ATP2B1: variants seen among roughly 807,000 people sequenced by gnomAD.
ATP2B1 encodes the protein plasma membrane calcium-transporting ATPase 1.
A neutral mutation model predicts 124.2 loss-of-function variants in ATP2B1; 14 were observed. The observed-to-expected ratio is 0.11, with a 90% confidence interval of 0.07 to 0.18. ATP2B1 has a LOEUF of 0.18. Ranked by LOEUF, ATP2B1 falls within the 10% of genes least tolerant of loss-of-function variation. The probability of loss-of-function intolerance (pLI) is 1.00; values close to 1 mark genes in which losing one functional copy is unlikely to be tolerated. For synonymous variants in ATP2B1, 449 were observed against 492.4 expected (o/e 0.91, Z 1.17); for missense variants, 763 against 1,466.1 (o/e 0.52, Z 7.83).
intron 1 of ATP2B1, among the ~76,000 whole-genome samples, chr12:89,696,217 T>C (rs1033396430): frequency 2.6e-5 from 4 of 152,110 alleles, no homozygotes; most frequent in South Asian, 2.1e-4. Flanking sequence ...GGACATACTA[T>C]AGACACAGCA....
chr12:89,668,009 CAAG>C (rs1433120916), intron 1 of ATP2B1, among the ~76,000 whole-genome samples: 2 of 152,144 alleles, frequency 1.3e-5, no homozygotes, highest in Non-Finnish European at 2.9e-5. Flanking sequence ...TACGTGACTT[CAAG>C]AAGAGCTTCA....
At chr12:89,698,423 A>G (rs906686395) in intron 1 of ATP2B1, among the ~76,000 whole-genome samples, 7 of 152,184 alleles carry the variant, frequency 4.6e-5, no homozygotes, top group African/African-American at 1.7e-4. Context: ...AATTCCAGAA[A>G]AGTCAAATTA....
chr12:89,647,425 G>A (rs57859539), intron 2 of ATP2B1, among the ~76,000 whole-genome samples: 2,054 of 152,208 alleles, frequency 0.013, 42 homozygotes, highest in African/African-American at 0.046. Flanking sequence ...GAAATAAAAT[G>A]TCACTTATAT....
rs1304344110 is a variant in ATP2B1, at chr12:89,648,258, G to C, written c.209-5903C>G. On this transcript the variant is annotated intron_variant, in intron 2 of 20. Coordinates refer to ENST00000428670, the MANE Select transcript of ATP2B1 (RefSeq NM_001366521.1). ...AAAGTCTGGAAACTTCTTAAAGACT[G>C]GTTAAACGGTTCTGACCAAAATGCT... Among the ~76,000 whole-genome samples, 4 of 152,152 alleles carry C rather than the reference G, an allele frequency of 2.6e-5. No individual in the cohort carries two copies. The East Asian group carries it at 7.7e-4, about 29-fold the overall frequency.
upstream of ATP2B1, chr12:89,709,310 CGCCGCCGAAGCTCGCGCCGCCGCCGCT>C (rs1350958088): frequency 6.6e-6 from 1 of 152,426 alleles, no homozygotes; most frequent in Non-Finnish European, 1.5e-5. Flanking sequence ...CAGCCGCCAC[CGCCGCCGAAGCTCGCGCCGCCGCCGCT>C]GCCGCCTTGG....
In ATP2B1 at chr12:89,604,357, A is replaced by C. The variant is rs910633506; in HGVS notation, c.2443-11T>G. 3.3e-5 allele frequency: 52 copies of C among 1,575,130 alleles called. No individual in the cohort carries two copies. Among genetic ancestry groups the C allele is most frequent in the Non-Finnish European group, 4.0e-5 (47 of 1,165,054 alleles). ...AGTTCCAGCAATACCCTGTTAAAAA[A>C]AATTTTGTGAATTAGACTAAATGTT... On this transcript the variant is annotated splice_polypyrimidine_tract_variant and intron_variant, in intron 15 of 20. Transcript: ENST00000428670.
intron 11 of ATP2B1, among the ~76,000 whole-genome samples, chr12:89,618,845 T>C (rs1290765309): frequency 1.3e-5 from 2 of 152,234 alleles, no homozygotes; most frequent in Non-Finnish European, 2.9e-5. Flanking sequence ...CTTAAACTAA[T>C]TGTAAAGTGT....
At chr12:89,602,814 T>C (rs1457688758) in intron 18 of ATP2B1, among the ~76,000 whole-genome samples, 1 of 152,112 alleles carries the variant, frequency 6.6e-6, no homozygotes, top group Non-Finnish European at 1.5e-5. Flanking sequence ...CACTTTACAG[T>C]TGGAAGAAAT....
At position 89,590,445 on chromosome 12, in the gene ATP2B1, G is replaced by T. The variant is rs1873351853; in HGVS notation, c.*539C>A. The T allele has an allele frequency of 6.7e-6, 1 of 148,802 alleles. No homozygotes were observed. Among genetic ancestry groups the T allele is most frequent in the Non-Finnish European group, 1.5e-5 (1 of 67,342 alleles). 9.2% of individuals were successfully genotyped at this position (148,802 alleles called of 1,614,324 possible). On this transcript the variant is annotated 3_prime_UTR_variant, in exon 21 of 21. Transcript: ENST00000428670. ...TTTTTTTTTTCCTGAAAATACAGCA[G>T]TATTTGAAGGACTAATTTTTCTCTG...
intron 9 of ATP2B1, among the ~76,000 whole-genome samples, chr12:89,622,328 T>A (rs1880132504): frequency 6.6e-6 from 1 of 151,900 alleles, no homozygotes; most frequent in African/African-American, 2.4e-5. Flanking sequence ...TCTGATAGAG[T>A]TAACATATCA....
In ATP2B1 at chr12:89,610,590, G is replaced by A; in HGVS notation, c.2248-82C>T. The A allele has an allele frequency of 3.5e-6, 4 of 1,136,194 alleles. No individual in the cohort carries two copies. The Admixed American group carries it at 7.0e-5, about 20-fold the overall frequency. 70.4% of individuals were successfully genotyped at this position (1,136,194 alleles called of 1,614,324 possible). A position where few individuals can be genotyped will look rare whatever the true frequency, so the allele number is the denominator to read the frequency against. The stretch of plus-strand genomic sequence containing the variant: ...GAGCTATCTGGCATATTTATCAGTA[G>A]CTCTCAAAGTGTGGTCCACAGAACA... On this transcript the variant is annotated intron_variant, in intron 13 of 20. Coordinates refer to ENST00000428670, the MANE Select transcript of ATP2B1 (RefSeq NM_001366521.1).
At position 89,590,824 on chromosome 12, in the gene ATP2B1, CTTTT is replaced by C. The variant is rs371640664; in HGVS notation, c.*156_*159del. ...ACCCTCAGTCTGGCAGAAAGCTTTG[CTTTT>C]TTTTTTTTAAAAAAATAAATCTACA... On this transcript the variant is annotated 3_prime_UTR_variant, in exon 21 of 21. Coordinates refer to ENST00000428670, the MANE Select transcript of ATP2B1 (RefSeq NM_001366521.1). The C allele has an allele frequency of 5.9e-6, 4 of 673,778 alleles. No individual in the cohort carries two copies. Among genetic ancestry groups the C allele is most frequent in the African/African-American group, 5.8e-5 (3 of 52,086 alleles). 41.7% of individuals were successfully genotyped at this position (673,778 alleles called of 1,614,324 possible).
At chr12:89,605,817 C>T (rs748193324) in intron 15 of ATP2B1, among the ~76,000 whole-genome samples, 5 of 152,068 alleles carry the variant, frequency 3.3e-5, no homozygotes, top group Non-Finnish European at 5.9e-5. Context: ...TAGCAAACAG[C>T]GAGTGCAGAT....
chr12:89,604,052 A>C, intron 16 of ATP2B1, 103 bp downstream of exon 16: 1 of 1,414,170 alleles, frequency 7.1e-7, no homozygotes, highest in Non-Finnish European at 9.6e-7. Flanking sequence ...AACTAACCTA[A>C]AATATTAAGC....
intron 9 of ATP2B1, among the ~76,000 whole-genome samples, chr12:89,623,030 G>A (rs1880261161): frequency 6.6e-6 from 1 of 151,196 alleles, no homozygotes; most frequent in Admixed American, 6.6e-5. Context: ...ATCAAAAAAG[G>A]ACAGATAGAT....
At chr12:89,643,359 C>T (rs1883952183) in intron 2 of ATP2B1, among the ~76,000 whole-genome samples, 1 of 151,996 alleles carries the variant, frequency 6.6e-6, no homozygotes, top group Non-Finnish European at 1.5e-5. Context: ...TTTTTACTCT[C>T]ATTTGCTGAG....
At position 89,708,735 on chromosome 12, in the gene ATP2B1, C is replaced by T. The variant is rs1296403639; in HGVS notation, c.-361G>A. On this transcript the variant is annotated 5_prime_UTR_variant, in exon 1 of 21. Coordinates refer to ENST00000428670, the MANE Select transcript of ATP2B1 (RefSeq NM_001366521.1). ...GCGTCCGCAGCCGGCTCGCAGGGCTCGGGGCGCCACGCGGAGGTGCAGCTG... is the reference window on the plus strand; with the variant it reads ...GCGTCCGCAGCCGGCTCGCAGGGCTTGGGGCGCCACGCGGAGGTGCAGCTG... 6.6e-6 allele frequency: 1 copy of T among 151,950 alleles called. No homozygotes were observed. Among genetic ancestry groups the T allele is most frequent in the Non-Finnish European group, 1.5e-5 (1 of 67,976 alleles). 9.4% of individuals were successfully genotyped at this position (151,950 alleles called of 1,614,324 possible). A position where few individuals can be genotyped will look rare whatever the true frequency, so the allele number is the denominator to read the frequency against.
At chr12:89,682,011 G>A (rs1285985406) in intron 1 of ATP2B1, among the ~76,000 whole-genome samples, 1 of 152,076 alleles carries the variant, frequency 6.6e-6, no homozygotes, top group African/African-American at 2.4e-5. Context: ...CACGGACTGA[G>A]AGCCAATGAA....
At chr12:89,614,551 C>T (rs1878620187) in intron 12 of ATP2B1, among the ~76,000 whole-genome samples, 1 of 152,166 alleles carries the variant, frequency 6.6e-6, no homozygotes, top group Admixed American at 6.6e-5. Flanking sequence ...CAGACTGGTT[C>T]TCTAACTTGT....
Sources: allele counts gnomAD v4.1 joint callset (sites outside exome capture counted in the v4.1 genomes callset), GRCh38; gene constraint gnomAD v4.1.1; transcripts MANE v1.5; gene names NCBI Gene and HGNC (gene_info 2026-07-23, HGNC 2026-07-21).